Variants in CENPW observed in about 807,000 individuals in gnomAD.
CENPW encodes the protein centromere protein W.
Under a neutral mutation model 11.1 loss-of-function variants are expected in CENPW, and 3 were observed. The ratio of observed to expected loss-of-function variants is 0.27; its 90% CI spans 0.12 to 0.70. The LOEUF (loss-of-function observed/expected upper bound fraction) is 0.70, where lower values mean the gene tolerates loss of function less well. CENPW is among the 30% of genes least tolerant of loss of function. CENPW has a pLI of 0.77. For synonymous variants in CENPW, 38 were observed against 42.0 expected (o/e 0.91, Z 0.37); for missense variants, 100 against 105.6 (o/e 0.95, Z 0.23).
chr6:126,359,124 A>T, the CENPW span, among the ~76,000 whole-genome samples: 3 of 152,062 alleles, frequency 2.0e-5, no homozygotes, highest in East Asian at 3.9e-4. Context: ...TGGGTAAGTT[A>T]TATCCCTATT....
At chr6:126,403,381 T>C in the CENPW span, among the ~76,000 whole-genome samples, 3 of 152,078 alleles carry the variant, frequency 2.0e-5, no homozygotes, top group Non-Finnish European at 4.4e-5. Context: ...AATAGCCAAA[T>C]TGTGAATGCA....
At chr6:126,397,651 A>C in the CENPW span, among the ~76,000 whole-genome samples, 25 of 152,094 alleles carry the variant, frequency 1.6e-4, no homozygotes, top group Non-Finnish European at 2.8e-4. Context: ...CTATTCAGCC[A>C]CCTTACTCTG....
At chr6:126,401,315 T>G in the CENPW span, among the ~76,000 whole-genome samples, 1 of 152,046 alleles carries the variant, frequency 6.6e-6, no homozygotes, top group Non-Finnish European at 1.5e-5. Context: ...CCACCTCAAC[T>G]TTAGGTTTTT....
At chr6:126,413,563 G>A in the CENPW span, among the ~76,000 whole-genome samples, 85 of 151,990 alleles carry the variant, frequency 5.6e-4, no homozygotes, top group African/African-American at 1.9e-3. Flanking sequence ...CCACTAGACT[G>A]GCTTTACAAG....
the CENPW span, among the ~76,000 whole-genome samples, chr6:126,385,843 C>G: frequency 6.6e-6 from 1 of 152,076 alleles, no homozygotes; most frequent in East Asian, 1.9e-4. Flanking sequence ...TATGAGTCAG[C>G]TAAACCTTTT....
At chr6:126,364,942 A>G in the CENPW span, among the ~76,000 whole-genome samples, 1 of 152,226 alleles carries the variant, frequency 6.6e-6, no homozygotes, top group Non-Finnish European at 1.5e-5. Context: ...ACAATTATTC[A>G]CTTATTCATA....
the CENPW span, among the ~76,000 whole-genome samples, chr6:126,367,922 C>T: frequency 1.3e-5 from 2 of 152,284 alleles, no homozygotes; most frequent in East Asian, 3.9e-4. Flanking sequence ...AGGGTAAACA[C>T]TGATGAATTA....
the CENPW span, among the ~76,000 whole-genome samples, chr6:126,364,037 T>C: frequency 6.6e-6 from 1 of 152,214 alleles, no homozygotes; most frequent in African/African-American, 2.4e-5. Flanking sequence ...ATTGTCTTGC[T>C]CACACTCCTT....
the CENPW span, among the ~76,000 whole-genome samples, chr6:126,372,677 C>T: frequency 6.6e-6 from 1 of 152,064 alleles, no homozygotes; most frequent in African/African-American, 2.4e-5. Flanking sequence ...AAGAATGAGG[C>T]CCTAAAGGTA....
the CENPW span, among the ~76,000 whole-genome samples, chr6:126,429,439 G>T: frequency 4.7e-4 from 72 of 152,174 alleles, no homozygotes; most frequent in African/African-American, 1.7e-3. Flanking sequence ...GCAATAGTGA[G>T]ACCTTGAGAG....
At chr6:126,445,848 A>T in the CENPW span, among the ~76,000 whole-genome samples, 1 of 151,302 alleles carries the variant, frequency 6.6e-6, no homozygotes, top group Admixed American at 6.6e-5. Flanking sequence ...TTTTGCTTTT[A>T]TCCTAAATGT....
chr6:126,417,986 A>C, the CENPW span, among the ~76,000 whole-genome samples: 1 of 152,366 alleles, frequency 6.6e-6, no homozygotes, highest in South Asian at 2.1e-4. Flanking sequence ...AATGGCTAGA[A>C]GCACATGAAA....
At chr6:126,367,018 A>G in the CENPW span, among the ~76,000 whole-genome samples, 1 of 152,088 alleles carries the variant, frequency 6.6e-6, no homozygotes, top group Non-Finnish European at 1.5e-5. Flanking sequence ...ACCTTTCCAC[A>G]CTGTTGTACT....
the CENPW span, among the ~76,000 whole-genome samples, chr6:126,399,339 T>G: frequency 3.9e-5 from 6 of 152,056 alleles, no homozygotes; most frequent in African/African-American, 1.4e-4. Context: ...CTATATCAAA[T>G]GACAAATGAG....
chr6:126,409,184 C>A, the CENPW span, among the ~76,000 whole-genome samples: 1 of 152,112 alleles, frequency 6.6e-6, no homozygotes, highest in Non-Finnish European at 1.5e-5. Flanking sequence ...TTCATGAACT[C>A]ATTGGTTGTT....
At chr6:126,461,730 G>A in the CENPW span, among the ~76,000 whole-genome samples, 2 of 151,906 alleles carry the variant, frequency 1.3e-5, no homozygotes, top group African/African-American at 4.8e-5. Context: ...TTCCCAAACA[G>A]AGAATGATGA....
At chr6:126,422,334 C>A in the CENPW span, among the ~76,000 whole-genome samples, 103 of 152,108 alleles carry the variant, frequency 6.8e-4, no homozygotes, top group African/African-American at 2.4e-3. Flanking sequence ...TACTGGGTAG[C>A]TTAAACTACT....
the CENPW span, among the ~76,000 whole-genome samples, chr6:126,443,407 G>A: frequency 1.3e-5 from 2 of 151,090 alleles, no homozygotes; most frequent in African/African-American, 4.8e-5. Flanking sequence ...CTGTAAACTA[G>A]CGGGATTTGG....
the CENPW span, among the ~76,000 whole-genome samples, chr6:126,417,869 C>A: frequency 1.3e-5 from 2 of 152,118 alleles, no homozygotes; most frequent in African/African-American, 2.4e-5. Flanking sequence ...TCCTATATGT[C>A]TGTTAAAGAC....
Sources: gnomAD v4.1 joint callset for allele counts (sites outside exome capture counted in the v4.1 genomes callset) on GRCh38, gnomAD v4.1.1 for gene constraint, MANE v1.5 for transcripts, NCBI Gene and HGNC (gene_info 2026-07-23, HGNC 2026-07-21) for gene names.